RNLS: variants seen among roughly 807,000 people sequenced by gnomAD.
RNLS encodes renalase, FAD dependent amine oxidase.
Under a neutral mutation model 39.8 loss-of-function variants are expected in RNLS, and 39 were observed. The observed-to-expected ratio is 0.98, with a 90% CI of 0.76 to 1.28. RNLS has a LOEUF of 1.28. Ranked by LOEUF, RNLS falls within the 50% of genes most tolerant of loss-of-function variation. The probability of loss-of-function intolerance (pLI) is 0.00; values close to 1 mark genes in which losing one functional copy is unlikely to be tolerated. For synonymous variants in RNLS, 147 were observed against 150.7 expected, an observed-to-expected ratio of 0.98 and a Z score of 0.18; for missense variants, 410 against 413.3, an observed-to-expected ratio of 0.99 and a Z score of 0.07.
chr10:88,484,749 T>C (rs913865266), intron 4 of RNLS, among the ~76,000 whole-genome samples: 1 of 151,910 alleles, frequency 6.6e-6, no homozygotes. Context: ...CATTAGTAAC[T>C]GAAGGTAGAG....
intron 4 of RNLS, among the ~76,000 whole-genome samples, chr10:88,419,880 C>A (rs1854288718): frequency 6.6e-6 from 1 of 151,996 alleles, no homozygotes. Context: ...CATGGTGGTA[C>A]ATGGCTGTAA....
rs552140926 is a variant in RNLS, at chr10:88,517,398, G to T, written c.526+55505C>A. 8.6e-5 allele frequency among the ~76,000 whole-genome samples: 13 copies of T among 151,932 alleles called. 1 individual carries two copies. The East Asian group carries it at 2.1e-3, about 25-fold the overall frequency. On this transcript the variant is annotated intron_variant, in intron 4 of 6. Coordinates refer to ENST00000331772, the MANE Select transcript of RNLS (RefSeq NM_001031709.3). ...TTATAAAATAGAGATAATAATATTT[G>T]GTTGAGAACATATCTAAAAGGTTTA...
At chr10:88,379,515 A>G (rs1261036320) in intron 4 of RNLS, among the ~76,000 whole-genome samples, 1 of 152,138 alleles carries the variant, frequency 6.6e-6, no homozygotes, top group East Asian at 1.9e-4. Flanking sequence ...TCAGTCTGAT[A>G]CGTGGTAAGT....
intron 4 of RNLS, among the ~76,000 whole-genome samples, chr10:88,414,995 C>T (rs1489213139): frequency 1.3e-5 from 2 of 152,072 alleles, no homozygotes; most frequent in South Asian, 2.1e-4. Context: ...TTGATGCTGC[C>T]TTCAACCAAA....
At chr10:88,215,287 A>G in the RNLS span, among the ~76,000 whole-genome samples, 1 of 152,144 alleles carries the variant, frequency 6.6e-6, no homozygotes, top group African/African-American at 2.4e-5. Context: ...ATTGACCCCT[A>G]TGAGATGGTT....
At chr10:88,563,918 C>A (rs985661244) in intron 4 of RNLS, among the ~76,000 whole-genome samples, 12 of 152,124 alleles carry the variant, frequency 7.9e-5, no homozygotes, top group Non-Finnish European at 1.8e-4. Context: ...AACTTTTCTA[C>A]ATTGAAATAA....
At chr10:88,192,516 A>G in the RNLS span, among the ~76,000 whole-genome samples, 1 of 152,246 alleles carries the variant, frequency 6.6e-6, no homozygotes, top group African/African-American at 2.4e-5. Flanking sequence ...ATGCGGGGGA[A>G]TTTTGAAACT....
At chr10:88,287,393 C>T (rs1843343966) in intron 6 of RNLS, among the ~76,000 whole-genome samples, 1 of 152,074 alleles carries the variant, frequency 6.6e-6, no homozygotes, top group Non-Finnish European at 1.5e-5. Context: ...CACTGAAGCA[C>T]AGACTTGGGT....
chr10:88,353,669 G>A (rs1197090835), intron 5 of RNLS, among the ~76,000 whole-genome samples: 1 of 152,200 alleles, frequency 6.6e-6, no homozygotes, highest in Non-Finnish European at 1.5e-5. Flanking sequence ...GTGTGGTGCT[G>A]AGAAGAATGT....
At chr10:88,546,193 C>A (rs1474788884) in intron 4 of RNLS, among the ~76,000 whole-genome samples, 2 of 151,858 alleles carry the variant, frequency 1.3e-5, no homozygotes, top group African/African-American at 4.8e-5. Context: ...CTATATAATT[C>A]TTTAAGTATC....
intron 4 of RNLS, among the ~76,000 whole-genome samples, chr10:88,529,476 C>T (rs1199081090): frequency 6.6e-6 from 1 of 152,174 alleles, no homozygotes; most frequent in Non-Finnish European, 1.5e-5. Context: ...TCTCTCTCAG[C>T]TGGTTCTAAA....
At chr10:88,348,956 A>C (rs747718552) in intron 5 of RNLS, among the ~76,000 whole-genome samples, 1 of 152,124 alleles carries the variant, frequency 6.6e-6, no homozygotes, top group Non-Finnish European at 1.5e-5. Flanking sequence ...ACTTGACTGC[A>C]AATTACGAGT....
intron 5 of RNLS, among the ~76,000 whole-genome samples, chr10:88,342,184 A>C (rs1848004449): frequency 1.3e-5 from 2 of 152,136 alleles, no homozygotes; most frequent in Non-Finnish European, 2.9e-5. Flanking sequence ...TTATCTTCCA[A>C]GTGGCAGAGC....
chr10:88,534,580 C>T (rs1009350604), intron 4 of RNLS, among the ~76,000 whole-genome samples: 4 of 152,056 alleles, frequency 2.6e-5, no homozygotes, highest in Admixed American at 2.0e-4. Context: ...ATCTCTAAAC[C>T]GTGGATTCCT....
chr10:88,397,556 C>T lies in RNLS; in HGVS notation c.527-34831G>A, dbSNP rs139058304. ...ATCAATAATCTGACATTCCAACTTACAAAACTAGAAAAATAAGAGCAAAAT... is the reference window on the plus strand; with the variant it reads ...ATCAATAATCTGACATTCCAACTTATAAAACTAGAAAAATAAGAGCAAAAT... On this transcript the variant is annotated intron_variant, in intron 4 of 6. Transcript: ENST00000331772. 1.4e-4 allele frequency among the ~76,000 whole-genome samples: 21 copies of T among 151,030 alleles called. 2 individuals are homozygous for T. Among genetic ancestry groups the T allele is most frequent in the African/African-American group, 4.4e-4 (18 of 41,194 alleles).
chr10:88,545,530 A>G (rs542615551), intron 4 of RNLS: 11 of 453,018 alleles, frequency 2.4e-5, no homozygotes, highest in African/African-American at 1.8e-4. Context: ...CTTATTCACT[A>G]TCACAAGTAC....
chr10:88,569,007 T>C (rs1849676745), intron 4 of RNLS, among the ~76,000 whole-genome samples: 1 of 152,106 alleles, frequency 6.6e-6, no homozygotes, highest in Admixed American at 6.5e-5. Context: ...GTCTTCCAGG[T>C]GATTCAGATG....
chr10:88,310,441 T>A (rs776479892), intron 6 of RNLS, among the ~76,000 whole-genome samples: 80 of 152,238 alleles, frequency 5.3e-4, no homozygotes, highest in Non-Finnish European at 7.8e-4. Context: ...GTATTTTTTT[T>A]AATAAAGAGA....
chr10:88,359,683 A>C (rs1256957133), intron 5 of RNLS, among the ~76,000 whole-genome samples: 1 of 152,228 alleles, frequency 6.6e-6, no homozygotes, highest in African/African-American at 2.4e-5. Flanking sequence ...ATGATTGCTG[A>C]TATAAAAAAT....
Sources: allele counts gnomAD v4.1 joint callset (sites outside exome capture counted in the v4.1 genomes callset), GRCh38; gene constraint gnomAD v4.1.1; transcripts MANE v1.5; gene names NCBI Gene and HGNC (gene_info 2026-07-23, HGNC 2026-07-21).